Variants in ZSWIM6 observed in about 807,000 individuals in gnomAD.
ZSWIM6 encodes the protein zinc finger SWIM domain-containing protein 6.
In ZSWIM6, 9 loss-of-function variants were observed where a neutral mutation model predicts 113.2. That is an observed-to-expected ratio of 0.08 (90% CI 0.05 to 0.14). The LOEUF (loss-of-function observed/expected upper bound fraction) is 0.14, where lower values mean the gene tolerates loss of function less well. ZSWIM6 is among the 10% of genes least tolerant of loss of function. The pLI, the probability that ZSWIM6 is intolerant of heterozygous loss-of-function variation, is 1.00. For synonymous variants in ZSWIM6, 611 were observed against 606.5 expected (o/e 1.01, Z -0.11); for missense variants, 1,162 against 1,552.2 (o/e 0.75, Z 4.22).
At chr5:61,372,548 C>G (rs915842016) in intron 1 of ZSWIM6, among the ~76,000 whole-genome samples, 2 of 152,116 alleles carry the variant, frequency 1.3e-5, no homozygotes, top group Non-Finnish European at 2.9e-5. Context: ...TTTCTCTTAC[C>G]TCTTTGGTAA....
At chr5:61,480,629 C>T (rs2112197925) in intron 2 of ZSWIM6, among the ~76,000 whole-genome samples, 1 of 152,252 alleles carries the variant, frequency 6.6e-6, no homozygotes, top group African/African-American at 2.4e-5. Context: ...ATTACTTACC[C>T]CTTTGAAAGG....
At chr5:61,410,309 CTTTTTTT>C (rs532542169) in intron 1 of ZSWIM6, among the ~76,000 whole-genome samples, 4 of 130,002 alleles carry the variant, frequency 3.1e-5, no homozygotes, top group East Asian at 4.3e-4. Flanking sequence ...GATGTATTTC[CTTTTTTT>C]TTTTTTTTTT....
intron 1 of ZSWIM6, among the ~76,000 whole-genome samples, chr5:61,343,339 T>C (rs1033661299): frequency 4.6e-5 from 7 of 152,242 alleles, no homozygotes; most frequent in Non-Finnish European, 4.4e-5. Flanking sequence ...AGAGTCTGTT[T>C]ACTTAAAGTA....
At chr5:61,489,644 C>A (rs949017662) in intron 2 of ZSWIM6, among the ~76,000 whole-genome samples, 1 of 151,960 alleles carries the variant, frequency 6.6e-6, no homozygotes, top group African/African-American at 2.4e-5. Context: ...TCTTGTTCAG[C>A]AAAATTTGAA....
chr5:61,499,757 A>G (rs1041034401), intron 4 of ZSWIM6, among the ~76,000 whole-genome samples: 2 of 152,114 alleles, frequency 1.3e-5, no homozygotes, highest in African/African-American at 4.8e-5. Flanking sequence ...GCTGTTCTGT[A>G]TTGTTGCTTA....
At chr5:61,348,329 G>A (rs576394165) in intron 1 of ZSWIM6, among the ~76,000 whole-genome samples, 6 of 152,266 alleles carry the variant, frequency 3.9e-5, no homozygotes, top group African/African-American at 1.4e-4. Flanking sequence ...GGTGGATTAA[G>A]CTCTGAAAAA....
At chr5:61,373,467 T>C (rs1745308217) in intron 1 of ZSWIM6, among the ~76,000 whole-genome samples, 2 of 142,540 alleles carry the variant, frequency 1.4e-5, no homozygotes, top group Non-Finnish European at 3.0e-5. Flanking sequence ...AAGCTCCGCC[T>C]CCCCGGTACT....
intron 1 of ZSWIM6, among the ~76,000 whole-genome samples, chr5:61,366,273 A>G (rs955824449): frequency 3.3e-5 from 5 of 152,210 alleles, no homozygotes; most frequent in Non-Finnish European, 7.3e-5. Flanking sequence ...TGAGCAATCT[A>G]ATATACCAAC....
At chr5:61,457,972 C>G (rs117469114) in intron 1 of ZSWIM6, among the ~76,000 whole-genome samples, 1 of 152,102 alleles carries the variant, frequency 6.6e-6, no homozygotes, top group Non-Finnish European at 1.5e-5. Flanking sequence ...TCAAATTTCC[C>G]CCTCTTTAAT....
intron 1 of ZSWIM6, among the ~76,000 whole-genome samples, chr5:61,418,424 C>T (rs1263319969): frequency 6.6e-6 from 1 of 151,984 alleles, no homozygotes; most frequent in African/African-American, 2.4e-5. Context: ...CCTGCCACCA[C>T]ACCCGGCTAC....
intron 1 of ZSWIM6, among the ~76,000 whole-genome samples, chr5:61,348,438 G>C (rs906384244): frequency 6.6e-6 from 1 of 151,882 alleles, no homozygotes; most frequent in African/African-American, 2.4e-5. Context: ...TAATATTCTT[G>C]TATAAAAACT....
intron 1 of ZSWIM6, among the ~76,000 whole-genome samples, chr5:61,382,553 C>T (rs2112082341): frequency 6.6e-6 from 1 of 152,222 alleles, no homozygotes; most frequent in Admixed American, 6.5e-5. Flanking sequence ...CCCATAATCC[C>T]AGCACTTTGG....
chr5:61,332,684 G>A lies in ZSWIM6; in HGVS notation c.412G>A (p.Gly138Ser). ...CGGCGGCGGCGCCGCGGGCGGCCCCGGCGACGACAGCGGTGGCGGCGGCGG... is the reference window on the plus strand; with the variant it reads ...CGGCGGCGGCGCCGCGGGCGGCCCCAGCGACGACAGCGGTGGCGGCGGCGG... ...NTGGGAAGGP[G>S]DDSGGGGGAG... is the part of the protein sequence containing the mutation. The change falls in exon 1 of 14, where the codon GGC becomes AGC. Residue 138 changes from glycine (G) to serine (S), a missense_variant. Gly to Ser is a moderately conservative substitution (Grantham distance 56). This residue lies in a region of ZSWIM6 where 333 missense variants were observed against 293.4 expected (regional missense o/e 1.13). Transcript: ENST00000252744. 1 of 1,075,436 alleles carries A rather than the reference G, an allele frequency of 9.3e-7. No homozygotes were observed. The highest frequency in any genetic ancestry group is 1.1e-6 in the Non-Finnish European group (1 of 871,520). 66.6% of individuals were successfully genotyped at this position (1,075,436 alleles called of 1,614,324 possible).
intron 4 of ZSWIM6, among the ~76,000 whole-genome samples, chr5:61,516,057 A>G (rs1015078855): frequency 2.6e-4 from 39 of 151,636 alleles, no homozygotes; most frequent in African/African-American, 9.2e-4. Flanking sequence ...TTATATTTAC[A>G]GTGGATTTCT....
chr5:61,353,891 C>T (rs886477011), intron 1 of ZSWIM6, among the ~76,000 whole-genome samples: 2 of 152,210 alleles, frequency 1.3e-5, no homozygotes, highest in Admixed American at 1.3e-4. Context: ...GCACACACCT[C>T]AGTTACTGGA....
At chr5:61,527,408 C>T (rs1314306714) in intron 7 of ZSWIM6, among the ~76,000 whole-genome samples, 2 of 151,944 alleles carry the variant, frequency 1.3e-5, no homozygotes, top group Non-Finnish European at 1.5e-5. Context: ...TAGAGTATAA[C>T]TAAAAATTAT....
At chr5:61,498,591 CTTAGAA>C (rs1438539813) in intron 4 of ZSWIM6, among the ~76,000 whole-genome samples, 1 of 152,164 alleles carries the variant, frequency 6.6e-6, no homozygotes, top group African/African-American at 2.4e-5. Flanking sequence ...ATTCAGGACA[CTTAGAA>C]TTAGAGTAAA....
At chr5:61,398,987 A>G (rs1745895292) in intron 1 of ZSWIM6, among the ~76,000 whole-genome samples, 1 of 123,440 alleles carries the variant, frequency 8.1e-6, no homozygotes, top group East Asian at 2.7e-4. Context: ...CAGTGGTGCG[A>G]TCTCTGCTCA....
intron 4 of ZSWIM6, among the ~76,000 whole-genome samples, chr5:61,500,642 C>G (rs565120735): frequency 1.3e-5 from 2 of 152,270 alleles, no homozygotes; most frequent in South Asian, 2.1e-4. Context: ...CAGGGACCCT[C>G]TAACTTCAGG....
Sources: gnomAD v4.1 joint callset for allele counts (sites outside exome capture counted in the v4.1 genomes callset) on GRCh38, gnomAD v4.1.1 for gene constraint, gnomAD v4.1.1 regional missense constraint, MANE v1.5 for transcripts, NCBI Gene and HGNC (gene_info 2026-07-23, HGNC 2026-07-21) for gene names.